TSPAN32: variants seen among roughly 807,000 people sequenced by gnomAD.
TSPAN32 encodes tetraspanin 32, also known as tetraspanin-32.
In TSPAN32, 47 loss-of-function variants were observed where a neutral mutation model predicts 42.7. That is an observed-to-expected ratio of 1.10 (90% CI 0.87 to 1.40). The LOEUF (loss-of-function observed/expected upper bound fraction) is 1.40, where lower values mean the gene tolerates loss of function less well. Ranked by LOEUF, TSPAN32 falls within the 40% of genes most tolerant of loss-of-function variation. TSPAN32 has a pLI of 0.00. For missense variants in TSPAN32, 469 were observed against 424.1 expected, an observed-to-expected ratio of 1.11 and a Z score of -0.93; for synonymous variants, 175 against 175.9, an observed-to-expected ratio of 0.99 and a Z score of 0.04.
rs762917262 is a variant in TSPAN32 at position 2,302,215 on chromosome 11, G to A, written c.66G>A (p.Leu22=). The A allele has an allele frequency of 1.2e-5, 17 of 1,404,458 alleles. No homozygotes were observed. In the African/African-American group the frequency reaches 2.5e-4, roughly 20 times the overall value. 87.0% of individuals were successfully genotyped at this position (1,404,458 alleles called of 1,614,324 possible). A position where few individuals can be genotyped will look rare whatever the true frequency, so the allele number is the denominator to read the frequency against. The change falls in exon 1 of 10, where the codon TTG becomes TTA. Residue 22 remains leucine (L), a splice_region_variant and synonymous_variant. Coordinates refer to ENST00000182290, the MANE Select transcript of TSPAN32 (RefSeq NM_139022.3). ...TGCTGGTCACCTGCTTCTTTATCTTGGTAACAGGCAGGTCGGGCAGGAGTG... is the reference window on the plus strand; with the variant it reads ...TGCTGGTCACCTGCTTCTTTATCTTAGTAACAGGCAGGTCGGGCAGGAGTG... ...CQMLVTCFFI[L]LLGLSVATMV...
In TSPAN32 at chr11:2,314,470, C is replaced by T; in HGVS notation, c.457-15C>T. 1.2e-6 allele frequency: 2 copies of T among 1,605,586 alleles called. No individual in the cohort carries two copies. Among genetic ancestry groups the T allele is most frequent in the Non-Finnish European group, 8.5e-7 (1 of 1,175,608 alleles). ...TCGGGAGCACATCACCACTCCCTCC[C>T]TTCTGTTCCTGTAGTTTCTGTGCTG... On this transcript the variant is annotated splice_polypyrimidine_tract_variant and intron_variant, in intron 5 of 9. Transcript: ENST00000182290.
At chr11:2,306,306 G>A (rs572079049) in intron 3 of TSPAN32, among the ~76,000 whole-genome samples, 17 of 151,968 alleles carry the variant, frequency 1.1e-4, no homozygotes, top group African/African-American at 1.9e-4. Context: ...CTGGCCTCTC[G>A]CACAGGAAAT....
intron 8 of TSPAN32, among the ~76,000 whole-genome samples, chr11:2,316,919 C>T (rs1168292999): frequency 1.3e-5 from 2 of 152,108 alleles, no homozygotes; most frequent in Non-Finnish European, 2.9e-5. Flanking sequence ...TTACCAAGAC[C>T]TGGAGATGGA....
intron 2 of TSPAN32, among the ~76,000 whole-genome samples, chr11:2,303,775 G>T (rs1847907692): frequency 6.6e-6 from 1 of 151,806 alleles, no homozygotes; most frequent in African/African-American, 2.4e-5. Context: ...GATGCCTGGG[G>T]CCCAGGTCCA....
At chr11:2,315,199 G>A (rs12146594) in intron 6 of TSPAN32, 13 of 380,932 alleles carry the variant, frequency 3.4e-5, no homozygotes, top group Admixed American at 5.8e-5. Flanking sequence ...TCCCCTCCCC[G>A]CTCCCCTCCC....
rs531166397 is a variant in TSPAN32 at position 2,310,175 on chromosome 11, C to G, written c.354+1365C>G. Among the ~76,000 whole-genome samples the G allele has an allele frequency of 2.1e-3, 327 of 152,294 alleles. 1 individual carries two copies. The highest frequency in any genetic ancestry group is 5.7e-3 in the Admixed American group (88 of 15,306). On this transcript the variant is annotated intron_variant, in intron 4 of 9. Transcript: ENST00000182290. ...ACAGTGTGGGTGGCCGAGGTCAAGACAGCTGCCAGGGTTCCCCGGGCTCGT... is the reference window on the plus strand; with the variant it reads ...ACAGTGTGGGTGGCCGAGGTCAAGAGAGCTGCCAGGGTTCCCCGGGCTCGT...
rs759938430 is a variant in TSPAN32, at chr11:2,317,870, G to A, written c.909G>A (p.Gln303=). ...SCHLAAHRAL[Q]GRSRGGLSGC... ...CCATTTATGATCTCGCAGCTCTCCAGGGCAGAAGTCGCGGTGGGCTCAGTG... is the reference window on the plus strand; with the variant it reads ...CCATTTATGATCTCGCAGCTCTCCAAGGCAGAAGTCGCGGTGGGCTCAGTG... The change falls in exon 10 of 10, where the codon CAG becomes CAA. Residue 303 remains glutamine, a synonymous_variant. Transcript: ENST00000182290. This position sits in a 1 kb window ranked among gnomAD's most constrained non-coding sequence, Gnocchi z 6.2. 4 of 1,553,162 alleles carry A rather than the reference G, an allele frequency of 2.6e-6. No individual in the cohort carries two copies. In the African/African-American group the frequency reaches 4.1e-5, roughly 16 times the overall value.
rs1446755724 is a variant in TSPAN32, at chr11:2,304,494, A to G, written c.279+290A>G. The stretch of plus-strand genomic sequence containing the variant: ...CTACACGCCCAACAAGGGTTCCTAT[A>G]GGAGCTCTGAAAGAGAGAGACGGCC... On this transcript the variant is annotated intron_variant, in intron 3 of 9. Coordinates refer to ENST00000182290, the MANE Select transcript of TSPAN32 (RefSeq NM_139022.3). This position sits in a 1 kb window ranked among gnomAD's most constrained non-coding sequence, Gnocchi z 4.8. Among the ~76,000 whole-genome samples, 2 of 150,762 alleles carry G rather than the reference A, an allele frequency of 1.3e-5. No homozygotes were observed. Among genetic ancestry groups the G allele is most frequent in the Non-Finnish European group, 3.0e-5 (2 of 67,724 alleles).
intron 6 of TSPAN32, chr11:2,315,466 C>T (rs1328442739): frequency 7.1e-6 from 8 of 1,133,236 alleles, no homozygotes; most frequent in East Asian, 6.9e-5. Context: ...AAAGCAGGAG[C>T]GAGGGCCTGC....
At chr11:2,303,816 C>A (rs1286012118) in intron 2 of TSPAN32, among the ~76,000 whole-genome samples, 1 of 152,116 alleles carries the variant, frequency 6.6e-6, no homozygotes, top group Non-Finnish European at 1.5e-5. Flanking sequence ...CAGCTCCAGT[C>A]CGGCCACTTG....
At chr11:2,315,530 G>A (rs1848734436) in intron 6 of TSPAN32, 2 of 1,163,900 alleles carry the variant, frequency 1.7e-6, no homozygotes, top group South Asian at 1.7e-5. Flanking sequence ...AGCCTCCTGG[G>A]GAGCCGGAAG....
In TSPAN32 at chr11:2,313,761, C is replaced by A. The variant is rs2234303; in HGVS notation, c.456+6C>A. The A allele has an allele frequency of 3.8e-6, 6 of 1,583,674 alleles. No individual in the cohort carries two copies. The highest frequency in any genetic ancestry group is 2.3e-5 in the East Asian group (1 of 43,550). Reference sequence around the variant, plus strand: ...TGGCGGCCATCCAGGACGTGGTGAGCGTGGGGACGGCTGGGTGGCAGGGCG... The same window carrying A: ...TGGCGGCCATCCAGGACGTGGTGAGAGTGGGGACGGCTGGGTGGCAGGGCG... On this transcript the variant is annotated splice_donor_region_variant and intron_variant, in intron 5 of 9. Transcript: ENST00000182290. This position sits in a 1 kb window ranked among gnomAD's most constrained non-coding sequence, Gnocchi z 9.1.
At chr11:2,315,275 C>G (rs1564966561) in intron 6 of TSPAN32, 2 of 1,192,910 alleles carry the variant, frequency 1.7e-6, no homozygotes, top group Admixed American at 7.5e-5. Flanking sequence ...CTCCAAGAAA[C>G]AGAGGGGAGG....
chr11:2,309,378 C>T (rs1020081471), intron 4 of TSPAN32: 2 of 469,572 alleles, frequency 4.3e-6, no homozygotes, highest in East Asian at 1.4e-4. Context: ...GCCTAGCTGA[C>T]CGTGGGCAGG....
At position 2,316,228 on chromosome 11, in the gene TSPAN32, G is replaced by T. The variant is rs981004816; in HGVS notation, c.544-1G>T. ...GTACCATGCCTGCTGCCCTCTCACA[G>T]GACTGCCTTCAGGGCATCCGGAGCT... is the stretch of plus-strand genomic sequence containing the variant. On this transcript the variant is annotated splice_acceptor_variant, in intron 6 of 9. Coordinates refer to ENST00000182290, the MANE Select transcript of TSPAN32 (RefSeq NM_139022.3). LOFTEE classifies it high-confidence loss of function. 4 of 1,576,670 alleles carry T rather than the reference G, an allele frequency of 2.5e-6. No individual in the cohort carries two copies. The highest frequency in any genetic ancestry group is 3.4e-6 in the Non-Finnish European group (4 of 1,163,190).
chr11:2,313,700 C>A lies in TSPAN32; in HGVS notation c.401C>A (p.Ala134Glu), dbSNP rs758973942. ...LDTYDLVYEQ[A>E]MKGTSHVRRQ... ...ACCTACGACCTGGTATATGAGCAGG[C>A]GATGAAAGGTACGTCCCACGTCCGG... is the stretch of plus-strand genomic sequence containing the variant. The change falls in exon 5 of 10, where the codon GCG (alanine) becomes GAG (glutamate). Residue 134 changes from alanine to glutamate, a missense_variant. Ala to Glu is a moderately radical substitution (Grantham distance 107). Coordinates refer to ENST00000182290, the MANE Select transcript of TSPAN32 (RefSeq NM_139022.3). The surrounding 1 kb of genome is among the most constrained non-coding windows in gnomAD (Gnocchi z 9.1). 3.7e-6 allele frequency: 6 copies of A among 1,608,910 alleles called. No individual in the cohort carries two copies. The highest frequency in any genetic ancestry group is 1.7e-4 in the Middle Eastern group (1 of 6,058).
intron 6 of TSPAN32, chr11:2,315,081 C>G (rs548553750): frequency 8.3e-6 from 3 of 360,956 alleles, no homozygotes; most frequent in Admixed American, 5.4e-5. Context: ...GAGCGGGGCC[C>G]GAGGCCAGGA....
At chr11:2,316,206 C>T in intron 6 of TSPAN32, 23 bp from the exon 7 acceptor site, 1 of 1,541,210 alleles carries the variant, frequency 6.5e-7, no homozygotes, top group Non-Finnish European at 8.7e-7. Context: ...AGGGCGGGTA[C>T]CATGCCTGCT....
chr11:2,315,450 G>C lies in TSPAN32; in HGVS notation c.544-779G>C, dbSNP rs189843546. On this transcript the variant is annotated intron_variant, in intron 6 of 9. Transcript: ENST00000182290. Reference sequence around the variant, plus strand: ...CCAAGGAGAGACTGAAAAGGCCCCCGACTGAAAAGCAGGAGCGAGGGCCTG... The same window carrying C: ...CCAAGGAGAGACTGAAAAGGCCCCCCACTGAAAAGCAGGAGCGAGGGCCTG... 2,039 of 1,131,596 alleles carry C rather than the reference G, an allele frequency of 1.8e-3. 9 individuals are homozygous for C. Among genetic ancestry groups the C allele is most frequent in the Non-Finnish European group, 1.6e-3 (1,430 of 913,500 alleles). 70.1% of individuals were successfully genotyped at this position (1,131,596 alleles called of 1,614,324 possible).
Sources: allele counts gnomAD v4.1 joint callset (sites outside exome capture counted in the v4.1 genomes callset), GRCh38; gene constraint gnomAD v4.1.1; non-coding constraint Gnocchi (gnomAD v3.1); transcripts MANE v1.5; gene names NCBI Gene and HGNC (gene_info 2026-07-23, HGNC 2026-07-21).